Variants in MSRA observed in about 807,000 individuals in gnomAD.
MSRA encodes the protein methionine sulfoxide reductase A.
MSRA carries 54 observed loss-of-function variants against 31.3 expected under a neutral mutation model. The observed-to-expected ratio is 1.73, with a 90% CI of 1.39 to 2.17. The LOEUF is 2.17. MSRA is among the 30% of genes most tolerant of loss of function. The pLI, the probability that MSRA is intolerant of heterozygous loss-of-function variation, is 0.00. For missense variants in MSRA, 507 were observed against 300.9 expected (o/e 1.69, Z -5.07); for synonymous variants, 169 against 116.5 (o/e 1.45, Z -2.90).
chr8:10,147,659 C>T (rs1026938297), intron 1 of MSRA, among the ~76,000 whole-genome samples: 11 of 152,174 alleles, frequency 7.2e-5, no homozygotes. Context: ...ATGCCTGGCA[C>T]TGCTCTTGGC....
At chr8:10,345,166 T>A (rs1300398499) in intron 5 of MSRA, among the ~76,000 whole-genome samples, 1 of 152,202 alleles carries the variant, frequency 6.6e-6, no homozygotes, top group East Asian at 1.9e-4. Flanking sequence ...ATGCTGATGT[T>A]CCTTGGCTAA....
chr8:10,132,593 C>CA (rs1801978003), intron 1 of MSRA, among the ~76,000 whole-genome samples: 1 of 152,178 alleles, frequency 6.6e-6, no homozygotes, highest in Admixed American at 6.5e-5. Context: ...TACAGGTGGT[C>CA]ACCTTCTTGC....
intron 5 of MSRA, among the ~76,000 whole-genome samples, chr8:10,371,764 C>T (rs1805491301): frequency 6.6e-6 from 1 of 152,168 alleles, no homozygotes; most frequent in African/African-American, 2.4e-5. Flanking sequence ...CCACGTCTGC[C>T]TTCTCCGCTG....
At chr8:10,256,121 C>A (rs1798164631) in intron 3 of MSRA, among the ~76,000 whole-genome samples, 1 of 152,138 alleles carries the variant, frequency 6.6e-6, no homozygotes, top group African/African-American at 2.4e-5. Flanking sequence ...TGTGCTCAGC[C>A]TATTCAGCCC....
intron 5 of MSRA, among the ~76,000 whole-genome samples, chr8:10,336,218 A>G (rs550264421): frequency 3.9e-5 from 6 of 152,336 alleles, no homozygotes; most frequent in Non-Finnish European, 2.9e-5. Context: ...TGCAAACACA[A>G]AATCTTTTAA....
intron 5 of MSRA, among the ~76,000 whole-genome samples, chr8:10,388,945 C>A (rs1180310739): frequency 2.6e-5 from 4 of 152,056 alleles, no homozygotes; most frequent in African/African-American, 9.7e-5. Flanking sequence ...AAGAGCTTGT[C>A]TCCAGTTGAG....
chr8:10,244,457 G>C (rs538320181), intron 2 of MSRA, among the ~76,000 whole-genome samples: 2 of 152,308 alleles, frequency 1.3e-5, no homozygotes, highest in African/African-American at 4.8e-5. Context: ...ACTTTTGTGA[G>C]TTTGTTTATT....
intron 3 of MSRA, among the ~76,000 whole-genome samples, chr8:10,290,604 A>G (rs1213696665): frequency 6.6e-6 from 1 of 152,040 alleles, no homozygotes; most frequent in East Asian, 1.9e-4. Flanking sequence ...TCGGAATTCC[A>G]TTGGTGGGGT....
At chr8:10,276,679 T>G (rs967937826) in intron 3 of MSRA, among the ~76,000 whole-genome samples, 1 of 152,230 alleles carries the variant, frequency 6.6e-6, no homozygotes, top group African/African-American at 2.4e-5. Context: ...TTAGGTTGAT[T>G]GCAGTTTCTA....
chr8:10,162,128 G>A (rs779475918), intron 1 of MSRA, among the ~76,000 whole-genome samples: 3 of 152,166 alleles, frequency 2.0e-5, no homozygotes, highest in Non-Finnish European at 1.5e-5. Flanking sequence ...ACAAAGTGAC[G>A]GAGTTGGGCC....
chr8:10,128,287 G>C (rs1188017802), intron 1 of MSRA, among the ~76,000 whole-genome samples: 1 of 151,938 alleles, frequency 6.6e-6, no homozygotes, highest in African/African-American at 2.4e-5. Context: ...GCTGAAGCAG[G>C]AGAATCACTT....
intron 5 of MSRA, among the ~76,000 whole-genome samples, chr8:10,343,943 G>T (rs1050877760): frequency 6.6e-6 from 1 of 152,150 alleles, no homozygotes; most frequent in African/African-American, 2.4e-5. Context: ...TTCATCCTCA[G>T]TCTTGCTGAG....
At chr8:10,113,312 TTTG>T (rs1269110907) in intron 1 of MSRA, among the ~76,000 whole-genome samples, 9 of 124,300 alleles carry the variant, frequency 7.2e-5, no homozygotes, top group African/African-American at 2.9e-4. Flanking sequence ...TTTTTTTTTT[TTTG>T]GAGGTGTGTG....
chr8:10,338,562 A>G (rs1323850177), intron 5 of MSRA, among the ~76,000 whole-genome samples: 7 of 152,260 alleles, frequency 4.6e-5, no homozygotes, highest in Admixed American at 3.3e-4. Context: ...TGATTATTCT[A>G]CATTGTATGC....
chr8:10,187,226 C>G (rs1807133615), intron 1 of MSRA, among the ~76,000 whole-genome samples: 1 of 152,210 alleles, frequency 6.6e-6, no homozygotes, highest in African/African-American at 2.4e-5. Context: ...TCCACAGTGA[C>G]TGAGCATGGC....
intron 3 of MSRA, among the ~76,000 whole-genome samples, chr8:10,268,736 T>C (rs1798874093): frequency 6.6e-6 from 1 of 152,252 alleles, no homozygotes; most frequent in African/African-American, 2.4e-5. Flanking sequence ...TGGCCCCAGG[T>C]TTCTTTTGAG....
At chr8:10,414,056 A>G (rs1808315621) in intron 5 of MSRA, among the ~76,000 whole-genome samples, 1 of 152,164 alleles carries the variant, frequency 6.6e-6, no homozygotes, top group Non-Finnish European at 1.5e-5. Context: ...AGTCCCTGCT[A>G]CTTGCGAGGT....
At chr8:10,097,038 C>G (rs906859464) in intron 1 of MSRA, among the ~76,000 whole-genome samples, 1 of 152,154 alleles carries the variant, frequency 6.6e-6, no homozygotes. Context: ...TCATTGATTT[C>G]TTAATCCTTC....
At chr8:10,257,219 G>A (rs993520665) in intron 3 of MSRA, among the ~76,000 whole-genome samples, 1 of 152,038 alleles carries the variant, frequency 6.6e-6, no homozygotes. Flanking sequence ...GACTTGAGAG[G>A]ATCCTTAGGC....
Sources: allele counts gnomAD v4.1 joint callset (sites outside exome capture counted in the v4.1 genomes callset), GRCh38; gene constraint gnomAD v4.1.1; transcripts MANE v1.5; gene names NCBI Gene and HGNC (gene_info 2026-07-23, HGNC 2026-07-21).